Variants in GPC6 observed in about 807,000 individuals in gnomAD.
GPC6 encodes glypican-6.
A neutral mutation model predicts 55.2 loss-of-function variants in GPC6; 14 were observed. The ratio of observed to expected loss-of-function variants is 0.25; its 90% CI spans 0.17 to 0.40. The LOEUF is 0.40. Among genes scored for constraint, GPC6 ranks in the 10% least tolerant of loss-of-function variants. GPC6 has a pLI of 1.00. For synonymous variants in GPC6, 278 were observed against 259.6 expected, an observed-to-expected ratio of 1.07 and a Z score of -0.68; for missense variants, 641 against 708.5, an observed-to-expected ratio of 0.90 and a Z score of 1.08.
intron 7 of GPC6, 91 bp from the exon 8 acceptor site, chr13:94,398,375 A>C: frequency 1.0e-6 from 1 of 969,352 alleles, no homozygotes; most frequent in Non-Finnish European, 1.7e-6. Context: ...GCTGACTGTC[A>C]GAGACAGTCA....
At chr13:93,739,574 C>T (rs1030862686) in intron 2 of GPC6, among the ~76,000 whole-genome samples, 5 of 152,042 alleles carry the variant, frequency 3.3e-5, no homozygotes, top group East Asian at 1.9e-4. Flanking sequence ...GGACTACAGG[C>T]GCCTGCCACC....
At chr13:93,732,376 T>C (rs1373336403) in intron 2 of GPC6, among the ~76,000 whole-genome samples, 1 of 152,102 alleles carries the variant, frequency 6.6e-6, no homozygotes, top group Non-Finnish European at 1.5e-5. Flanking sequence ...TGGAGATGAA[T>C]ATAAGACAGA....
At chr13:93,532,870 T>TG (rs1881922295) in intron 1 of GPC6, among the ~76,000 whole-genome samples, 1 of 145,482 alleles carries the variant, frequency 6.9e-6, no homozygotes, top group African/African-American at 2.6e-5. Context: ...TTAAAGGAGC[T>TG]ATTTTTTGCA....
At chr13:93,913,257 A>T (rs1040397167) in intron 3 of GPC6, among the ~76,000 whole-genome samples, 3 of 152,176 alleles carry the variant, frequency 2.0e-5, no homozygotes, top group African/African-American at 4.8e-5. Flanking sequence ...TCTGTTGAAA[A>T]GGCCAAAGGC....
intron 6 of GPC6, among the ~76,000 whole-genome samples, chr13:94,360,546 T>A (rs1879012390): frequency 6.6e-6 from 1 of 151,908 alleles, no homozygotes; most frequent in Admixed American, 6.6e-5. Flanking sequence ...GTTTAGAAAA[T>A]TAGGAAAGGC....
At chr13:93,939,407 G>C (rs2140361362) in intron 3 of GPC6, among the ~76,000 whole-genome samples, 1 of 133,334 alleles carries the variant, frequency 7.5e-6, no homozygotes, top group South Asian at 2.5e-4. Context: ...GACAGAGCAA[G>C]ACTCTGTCTC....
intron 4 of GPC6, among the ~76,000 whole-genome samples, chr13:94,234,850 T>A (rs1890831801): frequency 6.6e-6 from 1 of 152,156 alleles, no homozygotes; most frequent in South Asian, 2.1e-4. Context: ...CTAAGTGATA[T>A]AAGCAAATCA....
chr13:94,099,487 A>G (rs1255540383), intron 4 of GPC6, among the ~76,000 whole-genome samples: 11 of 152,164 alleles, frequency 7.2e-5, no homozygotes, highest in Admixed American at 7.2e-4. Context: ...AAATGAACAA[A>G]TAGGCAATAA....
intron 3 of GPC6, among the ~76,000 whole-genome samples, chr13:93,877,922 A>G (rs1874693639): frequency 6.6e-6 from 1 of 152,088 alleles, no homozygotes; most frequent in African/African-American, 2.4e-5. Flanking sequence ...GATAGCATTA[A>G]CAAATAGAAA....
chr13:94,039,700 TGGAGGG>T (rs1238951410), intron 4 of GPC6, among the ~76,000 whole-genome samples: 1 of 151,860 alleles, frequency 6.6e-6, no homozygotes, highest in Non-Finnish European at 1.5e-5. Flanking sequence ...CACAAACCAT[TGGAGGG>T]TTTTCACAGC....
chr13:94,377,965 A>C (rs1316750922), intron 6 of GPC6, among the ~76,000 whole-genome samples: 1 of 152,146 alleles, frequency 6.6e-6, no homozygotes, highest in Admixed American at 6.5e-5. Flanking sequence ...CAAACACCGC[A>C]TATTCTCACT....
At chr13:93,884,278 A>G (rs866021589) in intron 3 of GPC6, among the ~76,000 whole-genome samples, 5 of 152,204 alleles carry the variant, frequency 3.3e-5, no homozygotes, top group East Asian at 3.9e-4. Context: ...TTGTCTTACT[A>G]TATTTTAGCT....
intron 4 of GPC6, among the ~76,000 whole-genome samples, chr13:94,156,271 C>A (rs969502342): frequency 2.4e-4 from 36 of 151,860 alleles, no homozygotes; most frequent in African/African-American, 8.2e-4. Context: ...ACAGTAGTCA[C>A]AATATAAAGA....
chr13:93,759,472 C>T (rs1884887617), intron 2 of GPC6, among the ~76,000 whole-genome samples: 1 of 152,156 alleles, frequency 6.6e-6, no homozygotes, highest in East Asian at 1.9e-4. Context: ...AAGTTTACAT[C>T]AGGCATTTTG....
chr13:94,138,938 T>C (rs181299038), intron 4 of GPC6, among the ~76,000 whole-genome samples: 1 of 152,228 alleles, frequency 6.6e-6, no homozygotes, highest in Admixed American at 6.5e-5. Context: ...GATAACTTAC[T>C]ATATACCGGG....
At chr13:93,755,040 AG>A (rs1290332677) in intron 2 of GPC6, among the ~76,000 whole-genome samples, 1 of 152,218 alleles carries the variant, frequency 6.6e-6, no homozygotes, top group East Asian at 1.9e-4. Context: ...GATAAAATAC[AG>A]ACTCATATCA....
intron 2 of GPC6, among the ~76,000 whole-genome samples, chr13:93,732,462 T>G (rs1304292815): frequency 1.3e-5 from 2 of 152,170 alleles, no homozygotes; most frequent in African/African-American, 4.8e-5. Context: ...CTTCTGAAGC[T>G]AATTGAGATA....
At chr13:93,712,147 C>T (rs970621302) in intron 2 of GPC6, among the ~76,000 whole-genome samples, 1 of 151,752 alleles carries the variant, frequency 6.6e-6, no homozygotes, top group African/African-American at 2.4e-5. Context: ...GAGTAGTCCG[C>T]TCTATCATGT....
intron 1 of GPC6, among the ~76,000 whole-genome samples, chr13:93,294,135 A>G (rs1303433684): frequency 6.6e-6 from 1 of 152,196 alleles, no homozygotes; most frequent in African/African-American, 2.4e-5. Context: ...TCTATTCACT[A>G]TTTGGATACC....
Sources: allele counts gnomAD v4.1 joint callset (sites outside exome capture counted in the v4.1 genomes callset), GRCh38; gene constraint gnomAD v4.1.1; transcripts MANE v1.5; gene names NCBI Gene and HGNC (gene_info 2026-07-23, HGNC 2026-07-21).